CELF4: variants seen among roughly 807,000 people sequenced by gnomAD.
The protein encoded by CELF4 is CUGBP Elav-like family member 4.
In CELF4, 18 loss-of-function variants were observed where a neutral mutation model predicts 59.9. That is an observed-to-expected ratio of 0.30 (90% CI 0.21 to 0.45). The LOEUF (loss-of-function observed/expected upper bound fraction) is 0.45, where lower values mean the gene tolerates loss of function less well. Ranked by LOEUF, CELF4 falls within the 20% of genes least tolerant of loss-of-function variation. The pLI is 1.00. For synonymous variants in CELF4, 261 were observed against 267.1 expected (o/e 0.98, Z 0.22); for missense variants, 456 against 689.0 (o/e 0.66, Z 3.79).
intron 2 of CELF4, among the ~76,000 whole-genome samples, chr18:37,353,990 C>T (rs551170305): frequency 6.6e-6 from 1 of 152,016 alleles, no homozygotes; most frequent in Admixed American, 6.6e-5. Context: ...CTCCTGACTT[C>T]GTGATCTGCC....
intron 3 of CELF4, among the ~76,000 whole-genome samples, chr18:37,316,190 C>G (rs903177822): frequency 2.0e-5 from 3 of 152,142 alleles, no homozygotes; most frequent in Non-Finnish European, 4.4e-5. Context: ...AGCGCATGCC[C>G]TAGGGAGGTA....
chr18:37,447,760 C>T (rs555636343), intron 2 of CELF4, among the ~76,000 whole-genome samples: 1 of 152,320 alleles, frequency 6.6e-6, no homozygotes, highest in African/African-American at 2.4e-5. Flanking sequence ...CGGGTTTGGG[C>T]CAATGTTCCT....
intron 2 of CELF4, among the ~76,000 whole-genome samples, chr18:37,331,548 C>G (rs932432432): frequency 6.6e-6 from 1 of 152,046 alleles, no homozygotes; most frequent in African/African-American, 2.4e-5. Flanking sequence ...AGGAACCAGG[C>G]GTGTGGGTTG....
chr18:37,247,438 G>A (rs2062716275), intron 12 of CELF4: 1 of 151,446 alleles, frequency 6.6e-6, no homozygotes, highest in Non-Finnish European at 1.5e-5. Flanking sequence ...AGGGAGGGCT[G>A]GGATTTGGGT....
At chr18:37,524,952 T>C (rs934457295) in intron 1 of CELF4, among the ~76,000 whole-genome samples, 1 of 152,182 alleles carries the variant, frequency 6.6e-6, no homozygotes, top group Non-Finnish European at 1.5e-5. Context: ...TGAGCCCCGC[T>C]TCCTCTCCCT....
chr18:37,467,779 C>T (rs2099812450), intron 2 of CELF4, among the ~76,000 whole-genome samples: 1 of 152,198 alleles, frequency 6.6e-6, no homozygotes, highest in Non-Finnish European at 1.5e-5. Context: ...AGTTTATCTT[C>T]AGCTGTCCCT....
chr18:37,348,619 G>A (rs2098354455), intron 2 of CELF4, among the ~76,000 whole-genome samples: 1 of 152,124 alleles, frequency 6.6e-6, no homozygotes, highest in Admixed American at 6.5e-5. Context: ...GGGTGGGACG[G>A]TGGGGGGATG....
intron 1 of CELF4, among the ~76,000 whole-genome samples, chr18:37,565,008 T>C (rs1603644338): frequency 6.6e-6 from 1 of 151,836 alleles, no homozygotes; most frequent in South Asian, 2.1e-4. Context: ...CCGCTCAGCG[T>C]CCTGGGCTCG....
intron 2 of CELF4, among the ~76,000 whole-genome samples, chr18:37,331,467 C>T (rs549233204): frequency 3.3e-4 from 50 of 152,290 alleles, no homozygotes; most frequent in Middle Eastern, 3.4e-3. Context: ...GCTGCACAGG[C>T]TCCGAGTATG....
At chr18:37,308,468 G>A (rs1393900076) in intron 3 of CELF4, among the ~76,000 whole-genome samples, 1 of 152,152 alleles carries the variant, frequency 6.6e-6, no homozygotes, top group Non-Finnish European at 1.5e-5. Flanking sequence ...CCACCCCTCT[G>A]CCATGCAGGA....
At chr18:37,372,794 A>T (rs1469238400) in intron 2 of CELF4, among the ~76,000 whole-genome samples, 1 of 152,098 alleles carries the variant, frequency 6.6e-6, no homozygotes, top group Non-Finnish European at 1.5e-5. Flanking sequence ...TAAGATACTG[A>T]TTATTTTTAA....
Position 37,243,175 on chromosome 18 carries a change from TTTC to T in CELF4, c.*2064_*2066del, listed in dbSNP as rs2060824190. On this transcript the variant is annotated 3_prime_UTR_variant, in exon 13 of 13. Transcript: ENST00000420428. Reference sequence around the variant, plus strand: ...TGAACTGCAGCTGTTTTCTTTTTTTTTTCTTTTTTTCTTTTTTTTTTTTTTTTT... The same window carrying T: ...TGAACTGCAGCTGTTTTCTTTTTTTTTTTTTTTCTTTTTTTTTTTTTTTTT... 1 of 143,058 alleles carries T rather than the reference TTTC, an allele frequency of 7.0e-6. No homozygotes were observed. The highest frequency in any genetic ancestry group is 1.5e-5 in the Non-Finnish European group (1 of 66,588). 8.9% of individuals were successfully genotyped at this position (143,058 alleles called of 1,614,324 possible). A position where few individuals can be genotyped will look rare whatever the true frequency, so the allele number is the denominator to read the frequency against.
chr18:37,269,684 T>C (rs1448445849), intron 8 of CELF4, among the ~76,000 whole-genome samples: 2 of 152,220 alleles, frequency 1.3e-5, no homozygotes, highest in Non-Finnish European at 2.9e-5. Context: ...TAATGCTCGA[T>C]GGTAGTTTCC....
At chr18:37,351,283 G>A (rs2098435928) in intron 2 of CELF4, among the ~76,000 whole-genome samples, 1 of 152,178 alleles carries the variant, frequency 6.6e-6, no homozygotes, top group African/African-American at 2.4e-5. Flanking sequence ...TTGCATACCA[G>A]CAGCAGACAG....
intron 1 of CELF4, 29 bp downstream of exon 1, chr18:37,565,327 G>T (rs766396631): frequency 6.8e-7 from 1 of 1,463,784 alleles, no homozygotes; most frequent in Non-Finnish European, 9.1e-7. Flanking sequence ...CTGCTCCCCG[G>T]CAAAGTTGGG....
At chr18:37,321,022 T>A (rs545790160) in intron 3 of CELF4, among the ~76,000 whole-genome samples, 1 of 152,268 alleles carries the variant, frequency 6.6e-6, no homozygotes, top group Non-Finnish European at 1.5e-5. Context: ...TTGAATCTCA[T>A]CTAGGGGAGC....
Position 37,485,621 on chromosome 18 carries a change from C to A in CELF4, c.287-14G>T. Reference sequence around the variant, plus strand: ...GGAAGGCGCAGCCTGGGGAGGAAAGCAAGCGCCAAGAAGGGTCAGTGGGGC... The same window carrying A: ...GGAAGGCGCAGCCTGGGGAGGAAAGAAAGCGCCAAGAAGGGTCAGTGGGGC... On this transcript the variant is annotated splice_polypyrimidine_tract_variant and intron_variant, in intron 1 of 12. Transcript: ENST00000420428. 1 of 1,425,612 alleles carries A rather than the reference C, an allele frequency of 7.0e-7. No homozygotes were observed. The highest frequency in any genetic ancestry group is 9.3e-7 in the Non-Finnish European group (1 of 1,076,736). The allele number at this position is 1,425,612 out of a possible 1,614,324, so 88.3% of individuals were successfully genotyped here.
At chr18:37,359,836 C>A (rs1308810634) in intron 2 of CELF4, among the ~76,000 whole-genome samples, 3 of 151,776 alleles carry the variant, frequency 2.0e-5, no homozygotes, top group Non-Finnish European at 2.9e-5. Flanking sequence ...CATGAGTCAC[C>A]ATGCCTGGGC....
rs946033001 is a variant in CELF4, at chr18:37,273,409, G to T, written c.802-246C>A. 4 of 1,251,712 alleles carry T rather than the reference G, an allele frequency of 3.2e-6. No individual in the cohort carries two copies. The African/African-American group carries it at 6.0e-5, about 19-fold the overall frequency. The allele number at this position is 1,251,712 out of a possible 1,614,324, so 77.5% of individuals were successfully genotyped here. A position where few individuals can be genotyped will look rare whatever the true frequency, so the allele number is the denominator to read the frequency against. ...GGGTCTTTGGAACTCCAAAGTTGTTGCTAGGGGCAGAGGAGGAGACTGGCT... is the reference window on the plus strand; with the variant it reads ...GGGTCTTTGGAACTCCAAAGTTGTTTCTAGGGGCAGAGGAGGAGACTGGCT... On this transcript the variant is annotated intron_variant, in intron 6 of 12. Transcript: ENST00000420428.
Sources: gnomAD v4.1 joint callset for allele counts (sites outside exome capture counted in the v4.1 genomes callset) on GRCh38, gnomAD v4.1.1 for gene constraint, MANE v1.5 for transcripts, NCBI Gene and HGNC (gene_info 2026-07-23, HGNC 2026-07-21) for gene names.